The following FGGY variants were observed in gnomAD, a reference collection of about 807,000 sequenced individuals.
FGGY encodes FGGY carbohydrate kinase domain containing, also known as FGGY carbohydrate kinase domain-containing protein.
In FGGY, 72 loss-of-function variants were observed where a neutral mutation model predicts 71.3. The observed-to-expected ratio is 1.01, with a 90% CI of 0.84 to 1.23. The LOEUF is 1.23. FGGY is among the 50% of genes most tolerant of loss of function. FGGY has a pLI of 0.00. For missense variants in FGGY, 668 were observed against 682.3 expected (o/e 0.98, Z 0.23); for synonymous variants, 251 against 250.3 (o/e 1.00, Z -0.02).
chr1:59,599,164 C>T (rs2096552065), intron 8 of FGGY, among the ~76,000 whole-genome samples: 1 of 152,114 alleles, frequency 6.6e-6, no homozygotes, highest in Admixed American at 6.5e-5. Flanking sequence ...AGTGCAGTGG[C>T]ACGATCTTGG....
intron 8 of FGGY, among the ~76,000 whole-genome samples, chr1:59,579,766 C>T (rs538128035): frequency 6.6e-6 from 1 of 152,296 alleles, no homozygotes; most frequent in South Asian, 2.1e-4. Context: ...TCACAGCAGC[C>T]AGGGTGGCCT....
chr1:59,454,597 C>T (rs1454326193), intron 5 of FGGY, among the ~76,000 whole-genome samples: 1 of 152,192 alleles, frequency 6.6e-6, no homozygotes, highest in Non-Finnish European at 1.5e-5. Flanking sequence ...ATTTAAGCCT[C>T]ACTCAGTGCT....
chr1:59,672,200 A>G (rs2097385513), intron 13 of FGGY, among the ~76,000 whole-genome samples: 2 of 152,142 alleles, frequency 1.3e-5, no homozygotes, highest in Admixed American at 6.5e-5. Flanking sequence ...TCCCCTCTGG[A>G]TGGTTGATGG....
intron 4 of FGGY, among the ~76,000 whole-genome samples, chr1:59,354,959 A>G (rs746164984): frequency 5.9e-5 from 9 of 152,194 alleles, no homozygotes; most frequent in Non-Finnish European, 1.0e-4. Context: ...GAGATCAGCA[A>G]AGGAGGTCAG....
At chr1:59,752,921 C>A (rs2098258165) in intron 14 of FGGY, among the ~76,000 whole-genome samples, 1 of 152,152 alleles carries the variant, frequency 6.6e-6, no homozygotes. Flanking sequence ...TGTGAACTTT[C>A]ATGGTTTATT....
intron 14 of FGGY, among the ~76,000 whole-genome samples, chr1:59,702,797 G>A (rs781068125): frequency 4.6e-5 from 7 of 152,178 alleles, no homozygotes; most frequent in Non-Finnish European, 1.0e-4. Flanking sequence ...ACCTGCTGAG[G>A]AGGGAGAGGT....
intron 2 of FGGY, 47 bp downstream of exon 2, chr1:59,321,797 T>G (rs1213607809): frequency 6.4e-7 from 1 of 1,553,592 alleles, no homozygotes; most frequent in South Asian, 1.2e-5. Context: ...TCCTACCTGC[T>G]GAGTGTCGTG....
intron 4 of FGGY, among the ~76,000 whole-genome samples, chr1:59,354,758 T>C (rs998989592): frequency 3.9e-5 from 6 of 152,180 alleles, no homozygotes; most frequent in Non-Finnish European, 8.8e-5. Flanking sequence ...ACTTAGAGTC[T>C]AGTGTAGAGA....
intron 8 of FGGY, among the ~76,000 whole-genome samples, chr1:59,567,983 G>C (rs753381013): frequency 1.3e-5 from 2 of 151,640 alleles, no homozygotes; most frequent in Non-Finnish European, 2.9e-5. Context: ...ATCTGCACAC[G>C]CTTGTTTGAA....
chr1:59,562,843 A>ATG (rs2095814447), intron 8 of FGGY, among the ~76,000 whole-genome samples: 1 of 152,188 alleles, frequency 6.6e-6, no homozygotes, highest in African/African-American at 2.4e-5. Context: ...TCACTGATCT[A>ATG]TGCTATGTCA....
intron 6 of FGGY, among the ~76,000 whole-genome samples, chr1:59,481,235 C>T (rs575904767): frequency 6.6e-6 from 1 of 152,138 alleles, no homozygotes; most frequent in South Asian, 2.1e-4. Flanking sequence ...TTTTCTTTCC[C>T]CTATAGAGTT....
At chr1:59,315,709 C>A (rs1448540875) in intron 1 of FGGY, 3 of 152,138 alleles carry the variant, frequency 2.0e-5, no homozygotes, top group Non-Finnish European at 4.4e-5. Flanking sequence ...TGCTTATACG[C>A]GTTTTTACAG....
intron 2 of FGGY, among the ~76,000 whole-genome samples, chr1:59,327,174 A>C (rs1419951735): frequency 6.6e-6 from 1 of 152,190 alleles, no homozygotes; most frequent in Non-Finnish European, 1.5e-5. Context: ...TTCTTTCACA[A>C]AAGATTTCTC....
intron 8 of FGGY, among the ~76,000 whole-genome samples, chr1:59,592,400 A>G (rs1336300169): frequency 6.6e-6 from 1 of 152,188 alleles, no homozygotes; most frequent in African/African-American, 2.4e-5. Flanking sequence ...ATCTAGAACT[A>G]GAAATACCAT....
At chr1:59,529,501 T>A (rs181935533) in intron 7 of FGGY, among the ~76,000 whole-genome samples, 1 of 152,138 alleles carries the variant, frequency 6.6e-6, no homozygotes, top group Non-Finnish European at 1.5e-5. Flanking sequence ...CGTAGAGTAT[T>A]CTGGATGGAG....
chr1:59,350,405 A>C (rs2053037626), intron 4 of FGGY, among the ~76,000 whole-genome samples: 1 of 152,154 alleles, frequency 6.6e-6, no homozygotes, highest in Non-Finnish European at 1.5e-5. Context: ...CTTTGGGAAA[A>C]AGGATTTGCT....
chr1:59,604,067 T>C (rs150089461), intron 8 of FGGY, among the ~76,000 whole-genome samples: 47 of 152,306 alleles, frequency 3.1e-4, no homozygotes, highest in African/African-American at 1.0e-3. Context: ...CTTTACTAAG[T>C]ACACAGTAAG....
At chr1:59,632,396 T>C (rs1377811863) in intron 10 of FGGY, among the ~76,000 whole-genome samples, 1 of 152,224 alleles carries the variant, frequency 6.6e-6, no homozygotes, top group Non-Finnish European at 1.5e-5. Flanking sequence ...CCTGAATTTT[T>C]CTGTTATTCC....
chr1:59,756,453 T>G (rs2098292322), intron 14 of FGGY, among the ~76,000 whole-genome samples: 1 of 152,248 alleles, frequency 6.6e-6, no homozygotes, highest in Admixed American at 6.5e-5. Context: ...TACCTAACCC[T>G]TGAATAACTA....
Sources: gnomAD v4.1 joint callset for allele counts (sites outside exome capture counted in the v4.1 genomes callset) on GRCh38, gnomAD v4.1.1 for gene constraint, MANE v1.5 for transcripts, NCBI Gene and HGNC (gene_info 2026-07-23, HGNC 2026-07-21) for gene names.